Variants in PPM1E observed in about 807,000 individuals in gnomAD.
PPM1E encodes the protein protein phosphatase, Mg2+/Mn2+ dependent 1E.
PPM1E carries 20 observed loss-of-function variants against 65.9 expected under a neutral mutation model. The observed-to-expected ratio is 0.30, with a 90% CI of 0.21 to 0.44. The LOEUF is 0.44. Among genes scored for constraint, PPM1E ranks in the 20% least tolerant of loss-of-function variants. PPM1E has a pLI of 1.00. For synonymous variants in PPM1E, 352 were observed against 374.9 expected (o/e 0.94, Z 0.70); for missense variants, 713 against 953.1 (o/e 0.75, Z 3.32).
At chr17:58,810,226 T>C (rs987645774) in intron 1 of PPM1E, among the ~76,000 whole-genome samples, 31 of 152,084 alleles carry the variant, frequency 2.0e-4, no homozygotes, top group Admixed American at 4.6e-4. Flanking sequence ...TTTTTTTTTC[T>C]GAGACGGAGT....
At chr17:58,767,517 T>C (rs562027434) in intron 1 of PPM1E, among the ~76,000 whole-genome samples, 6 of 152,380 alleles carry the variant, frequency 3.9e-5, no homozygotes, top group Non-Finnish European at 7.3e-5. Context: ...TTATCACTTC[T>C]TGCCTTGATT....
intron 1 of PPM1E, among the ~76,000 whole-genome samples, chr17:58,798,088 G>A (rs982903222): frequency 6.6e-6 from 1 of 152,096 alleles, no homozygotes; most frequent in African/African-American, 2.4e-5. Context: ...TTTGTAAAGT[G>A]TCCAGTTATT....
At chr17:58,884,529 G>T (rs958791594) in intron 1 of PPM1E, among the ~76,000 whole-genome samples, 1 of 151,834 alleles carries the variant, frequency 6.6e-6, no homozygotes, top group Non-Finnish European at 1.5e-5. Flanking sequence ...CTTAATTTTT[G>T]TCTTAGTAGG....
In PPM1E at chr17:58,958,765, GT is replaced by G. The variant is rs993925255; in HGVS notation, c.583+3008del. Among the ~76,000 whole-genome samples the G allele has an allele frequency of 2.3e-4, 34 of 147,942 alleles. 1 individual carries two copies. The highest frequency in any genetic ancestry group is 4.3e-4 in the South Asian group (2 of 4,656). ...AATGCAAAGGCAGATAATTCCAATGGTTTTTTTTTTATTATATAGTTATTTA... is the reference window on the plus strand; with the variant it reads ...AATGCAAAGGCAGATAATTCCAATGGTTTTTTTTTATTATATAGTTATTTA... On this transcript the variant is annotated intron_variant, in intron 2 of 6. Coordinates refer to ENST00000308249, the MANE Select transcript of PPM1E (RefSeq NM_014906.5).
At chr17:58,824,049 A>G (rs1289338849) in intron 1 of PPM1E, among the ~76,000 whole-genome samples, 15 of 152,120 alleles carry the variant, frequency 9.9e-5, no homozygotes, top group Admixed American at 9.8e-4. Context: ...TAAATTTAAT[A>G]CAAATTTAAT....
intron 1 of PPM1E, among the ~76,000 whole-genome samples, chr17:58,917,102 C>T (rs777983158): frequency 5.9e-5 from 9 of 151,618 alleles, no homozygotes; most frequent in Non-Finnish European, 1.0e-4. Flanking sequence ...CCCAACTACT[C>T]GGGAGGCTGA....
At chr17:58,839,807 T>A (rs1220309551) in intron 1 of PPM1E, among the ~76,000 whole-genome samples, 2 of 152,196 alleles carry the variant, frequency 1.3e-5, no homozygotes, top group Non-Finnish European at 2.9e-5. Flanking sequence ...TGGATTAACG[T>A]TGAGGATACT....
chr17:58,924,171 C>T (rs1181705186), intron 1 of PPM1E, among the ~76,000 whole-genome samples: 3 of 148,922 alleles, frequency 2.0e-5, no homozygotes, highest in Admixed American at 6.7e-5. Flanking sequence ...CTGCCTGCCT[C>T]GGCCTCCCAA....
chr17:58,920,839 GGATAGA>G (rs1423748001), intron 1 of PPM1E, among the ~76,000 whole-genome samples: 1 of 152,146 alleles, frequency 6.6e-6, no homozygotes, highest in Non-Finnish European at 1.5e-5. Context: ...TCTATTAAAT[GGATAGA>G]GATAGAGAAG....
chr17:58,849,386 C>T (rs2050803231), intron 1 of PPM1E, among the ~76,000 whole-genome samples: 1 of 152,104 alleles, frequency 6.6e-6, no homozygotes, highest in Non-Finnish European at 1.5e-5. Flanking sequence ...TTAGATCTTT[C>T]CTGCTTTCTC....
chr17:58,823,985 C>T (rs547556786), intron 1 of PPM1E, among the ~76,000 whole-genome samples: 1 of 152,250 alleles, frequency 6.6e-6, no homozygotes, highest in South Asian at 2.1e-4. Context: ...CTGCCTCAGC[C>T]TCCCAAAGTG....
At chr17:58,891,948 G>A (rs2051352848) in intron 1 of PPM1E, among the ~76,000 whole-genome samples, 1 of 139,322 alleles carries the variant, frequency 7.2e-6, no homozygotes, top group Non-Finnish European at 1.5e-5. Context: ...TGATTTTCAT[G>A]TCTCAGCCAC....
intron 1 of PPM1E, among the ~76,000 whole-genome samples, chr17:58,935,678 A>G (rs1423711466): frequency 6.6e-6 from 1 of 152,176 alleles, no homozygotes; most frequent in Admixed American, 6.5e-5. Context: ...GATCTTTGGT[A>G]AATTTGTAAC....
intron 1 of PPM1E, among the ~76,000 whole-genome samples, chr17:58,876,749 T>TA (rs1481202722): frequency 6.6e-6 from 1 of 152,188 alleles, no homozygotes; most frequent in East Asian, 1.9e-4. Flanking sequence ...GAAGTGGCTG[T>TA]AAAAAATATA....
chr17:58,907,407 G>A (rs1267037460), intron 1 of PPM1E, among the ~76,000 whole-genome samples: 1 of 147,032 alleles, frequency 6.8e-6, no homozygotes, highest in Non-Finnish European at 1.5e-5. Flanking sequence ...TTATGGCCCA[G>A]AATGTGGTCT....
At chr17:58,907,019 G>A (rs868665849) in intron 1 of PPM1E, among the ~76,000 whole-genome samples, 13 of 152,152 alleles carry the variant, frequency 8.5e-5, no homozygotes, top group African/African-American at 2.7e-4. Flanking sequence ...AGTGGATCAC[G>A]AGGTCAGGAG....
intron 1 of PPM1E, among the ~76,000 whole-genome samples, chr17:58,844,425 G>A (rs746777503): frequency 6.6e-6 from 1 of 152,054 alleles, no homozygotes; most frequent in African/African-American, 2.4e-5. Context: ...GTGATATAAA[G>A]GGATAACTTT....
chr17:58,962,437 C>T (rs1423364745), intron 2 of PPM1E, among the ~76,000 whole-genome samples: 4 of 152,052 alleles, frequency 2.6e-5, no homozygotes, highest in Admixed American at 6.6e-5. Context: ...ATATGTTATT[C>T]GTTTCACCCT....
intron 1 of PPM1E, among the ~76,000 whole-genome samples, chr17:58,897,452 G>A (rs1159072551): frequency 6.6e-6 from 1 of 151,828 alleles, no homozygotes; most frequent in African/African-American, 2.4e-5. Context: ...ACTGCCAATT[G>A]GTAATGCAAT....
Sources: allele counts gnomAD v4.1 joint callset (sites outside exome capture counted in the v4.1 genomes callset), GRCh38; gene constraint gnomAD v4.1.1; transcripts MANE v1.5; gene names NCBI Gene and HGNC (gene_info 2026-07-23, HGNC 2026-07-21).